Variants in TACC3 observed in about 807,000 individuals in gnomAD.
TACC3 encodes transforming acidic coiled-coil-containing protein 3.
TACC3 carries 52 observed loss-of-function variants against 86.0 expected under a neutral mutation model. The observed-to-expected ratio is 0.60, with a 90% CI of 0.48 to 0.76. The LOEUF (loss-of-function observed/expected upper bound fraction) is 0.76, where lower values mean the gene tolerates loss of function less well. TACC3 is among the 30% of genes least tolerant of loss of function. The pLI, the probability that TACC3 is intolerant of heterozygous loss-of-function variation, is 0.00. For synonymous variants in TACC3, 512 were observed against 430.0 expected (o/e 1.19, Z -2.36); for missense variants, 1,120 against 1,070.4 (o/e 1.05, Z -0.65).
Position 1,723,999 on chromosome 4 carries a change from C to T in TACC3, c.305+129C>T, listed in dbSNP as rs41286675. The stretch of plus-strand genomic sequence containing the variant: ...TGTTTGTTTGTTTGAGATGGAGTCT[C>T]GCTCTGTTGCCCACGCTGGAGTGCA... On this transcript the variant is annotated intron_variant, in intron 3 of 15. Transcript: ENST00000313288. 11 of 1,050,102 alleles carry T rather than the reference C, an allele frequency of 1.0e-5. No individual in the cohort carries two copies. In the Admixed American group the frequency reaches 1.4e-4, roughly 13 times the overall value. 65.0% of individuals were successfully genotyped at this position (1,050,102 alleles called of 1,614,324 possible). A position where few individuals can be genotyped will look rare whatever the true frequency, so the allele number is the denominator to read the frequency against.
Position 1,728,495 on chromosome 4 carries a change from C to T in TACC3, c.1093C>T (p.Pro365Ser). 6.2e-7 allele frequency: 1 copy of T among 1,614,014 alleles called. No individual in the cohort carries two copies. The highest frequency in any genetic ancestry group is 8.5e-7 in the Non-Finnish European group (1 of 1,180,014). ...ACTGGGAGAGAGGTCCGGCCTCAAG[C>T]CTCCCTTGAGGAAAGCAGCAGTGAG... ...RRLGERSGLKPPLRKAAVRQQ... is the reference protein window; with the variant it reads ...RRLGERSGLKSPLRKAAVRQQ... The change falls in exon 4 of 16, where the codon CCT becomes TCT. Residue 365 changes from proline to serine, a missense_variant. Transcript: ENST00000313288.
chr4:1,743,556 A>G (rs1348932198), intron 13 of TACC3, among the ~76,000 whole-genome samples: 3 of 19,494 alleles, frequency 1.5e-4, no homozygotes, highest in African/African-American at 2.3e-4. Flanking sequence ...CCGTCTAAAA[A>G]AAAAAAACAG....
In TACC3 at chr4:1,737,603, A is replaced by T. The variant is rs1718344384; in HGVS notation, c.1842A>T (p.Pro614=). Residue 614 remains proline (P), a synonymous_variant, in exon 10 of 16, where the codon CCA becomes CCT. Coordinates refer to ENST00000313288, the MANE Select transcript of TACC3 (RefSeq NM_006342.3). ...DFLGALDIPV[P]GPPPGVPAPG... ...TTCATCCCCATCTCCCGCAGGTGCC[A>T]GGCCCACCCCCAGGTGTTCCCGCGC... The T allele has an allele frequency of 6.6e-7, 1 of 1,509,910 alleles. No individual in the cohort carries two copies. The highest frequency in any genetic ancestry group is 8.9e-7 in the Non-Finnish European group (1 of 1,124,348). The allele number at this position is 1,509,910 out of a possible 1,614,324, so 93.5% of individuals were successfully genotyped here. A position where few individuals can be genotyped will look rare whatever the true frequency, so the allele number is the denominator to read the frequency against.
intron 6 of TACC3, 137 bp downstream of exon 6, chr4:1,731,438 A>C: frequency 1.0e-6 from 1 of 980,380 alleles, no homozygotes; most frequent in Non-Finnish European, 1.5e-6. Context: ...TGAATGACTC[A>C]TGCACAAACT....
chr4:1,734,492 T>G (rs1718156996), intron 6 of TACC3, among the ~76,000 whole-genome samples: 1 of 152,088 alleles, frequency 6.6e-6, no homozygotes, highest in African/African-American at 2.4e-5. Flanking sequence ...CCAGCCACAG[T>G]TTAAGAGTTT....
At chr4:1,729,317 C>G (rs1717885187) in intron 4 of TACC3, among the ~76,000 whole-genome samples, 1 of 151,988 alleles carries the variant, frequency 6.6e-6, no homozygotes, top group Non-Finnish European at 1.5e-5. Flanking sequence ...TGTGCATAGA[C>G]AAGAGATTGT....
At chr4:1,726,935 T>C (rs62285106) in intron 3 of TACC3, among the ~76,000 whole-genome samples, 32,598 of 152,062 alleles carry the variant, frequency 0.21, 3,770 homozygotes, top group Non-Finnish European at 0.26. Flanking sequence ...GAGACCAGGC[T>C]GACCAACATG....
At chr4:1,720,752 G>A, upstream of TACC3, 1 of 1,583,422 alleles carries the variant, frequency 6.3e-7, no homozygotes, top group Non-Finnish European at 8.6e-7. The surrounding 1 kb of genome is among the most constrained non-coding windows in gnomAD (Gnocchi z 4.4). Flanking sequence ...CGTGAGCCCC[G>A]CCGCGTGGAA....
chr4:1,741,102 G>T, intron 13 of TACC3, 116 bp downstream of exon 13: 2 of 1,008,796 alleles, frequency 2.0e-6, no homozygotes, highest in Non-Finnish European at 2.9e-6. Context: ...GCCTCCCCTT[G>T]CCACGGGGGC....
In TACC3 at chr4:1,728,283, C is replaced by T. The variant is rs1459299796; in HGVS notation, c.881C>T (p.Ala294Val). ...PADGTQTLTC[A>V]HTSAPESTAP... ...GATGGCACTCAGACCCTTACCTGTG[C>T]ACACACCTCTGCTCCTGAGAGCACA... is the stretch of plus-strand genomic sequence containing the variant. The change falls in exon 4 of 16, where the codon GCA (alanine) becomes GTA (valine). Residue 294 changes from alanine to valine, a missense_variant. By Grantham distance (64) the Ala-to-Val change is moderately conservative. Transcript: ENST00000313288. 6.2e-6 allele frequency: 10 copies of T among 1,612,770 alleles called. No homozygotes were observed. The highest frequency in any genetic ancestry group is 2.2e-5 in the East Asian group (1 of 44,878).
chr4:1,727,665 C>T (rs370619950), intron 3 of TACC3, 43 bp from the exon 4 acceptor site: 21 of 1,538,688 alleles, frequency 1.4e-5, no homozygotes, highest in African/African-American at 2.8e-5. Flanking sequence ...CCTAACCTCA[C>T]CAGGTACTCG....
Position 1,723,550 on chromosome 4 carries a change from T to C in TACC3, c.129T>C (p.Asn43=). The change falls in exon 2 of 16, where the codon AAT becomes AAC. Residue 43 remains asparagine (N), a synonymous_variant. Coordinates refer to ENST00000313288, the MANE Select transcript of TACC3 (RefSeq NM_006342.3). ...SSVLRVSQKE[N]VPPKNLAKAM... ...TTCTTCGTGTGTCACAGAAAGAAAA[T>C]GTGCCACCCAAGAACCTGGCCAAAG... The C allele has an allele frequency of 3.1e-6, 5 of 1,613,652 alleles. No individual in the cohort carries two copies. The highest frequency in any genetic ancestry group is 4.2e-6 in the Non-Finnish European group (5 of 1,179,926).
chr4:1,723,467 A>T lies in TACC3; in HGVS notation c.46A>T (p.Asn16Tyr). ...LNDKNVSNEK[N>Y]TENCDFLFSP... ...CGACAAAAATGTCAGCAATGAAAAA[A>T]ATACAGAAAATTGCGACTTCCTGTT... Residue 16 changes from asparagine (N) to tyrosine (Y), a missense_variant, in exon 2 of 16, where the codon AAT becomes TAT. Transcript: ENST00000313288. 1 of 1,613,650 alleles carries T rather than the reference A, an allele frequency of 6.2e-7. No homozygotes were observed. The highest frequency in any genetic ancestry group is 8.5e-7 in the Non-Finnish European group (1 of 1,179,982).
intron 15 of TACC3, 50 bp downstream of exon 15, chr4:1,744,882 A>G: frequency 6.2e-7 from 1 of 1,612,388 alleles, no homozygotes; most frequent in Non-Finnish European, 8.5e-7. Context: ...CACCTTCTAG[A>G]AGGCCCTTGG....
intron 1 of TACC3, among the ~76,000 whole-genome samples, chr4:1,722,520 A>G (rs944456663): frequency 2.6e-5 from 4 of 152,006 alleles, no homozygotes; most frequent in African/African-American, 4.8e-5. Flanking sequence ...ACAGCACCAC[A>G]GTGGGCTTCT....
At position 1,723,565 on chromosome 4, in the gene TACC3, C is replaced by A; in HGVS notation, c.144C>A (p.Asn48Lys). 1 of 1,613,434 alleles carries A rather than the reference C, an allele frequency of 6.2e-7. No individual in the cohort carries two copies. The highest frequency in any genetic ancestry group is 1.1e-5 in the South Asian group (1 of 91,076). ...AGAAAGAAAATGTGCCACCCAAGAA[C>A]CTGGCCAAAGCTATGAAGGTAAGTG... ...VSQKENVPPKNLAKAMKVTFQ... is the reference protein window; with the variant it reads ...VSQKENVPPKKLAKAMKVTFQ... The change falls in exon 2 of 16, where the codon AAC (asparagine) becomes AAA (lysine). Residue 48 changes from asparagine (N) to lysine (K), a missense_variant. Coordinates refer to ENST00000313288, the MANE Select transcript of TACC3 (RefSeq NM_006342.3).
chr4:1,727,266 C>A (rs1717733649), intron 3 of TACC3, among the ~76,000 whole-genome samples: 1 of 152,196 alleles, frequency 6.6e-6, no homozygotes, highest in Non-Finnish European at 1.5e-5. Context: ...ACATCTGACC[C>A]CCCAGGCAGC....
At chr4:1,739,559 T>A (rs924045791) in intron 10 of TACC3, 143 bp from the exon 11 acceptor site, 6 of 739,128 alleles carry the variant, frequency 8.1e-6, no homozygotes, top group Middle Eastern at 3.9e-4. Context: ...GTTCCCAGGG[T>A]CCCACTGGAA....
At chr4:1,723,611 TG>T in intron 2 of TACC3, 28 bp downstream of exon 2, 3 of 1,609,436 alleles carry the variant, frequency 1.9e-6, no homozygotes, top group Non-Finnish European at 2.5e-6. Context: ...AGTGTGTGGC[TG>T]GCCAGGTTGC....
Sources: gnomAD v4.1 joint callset for allele counts (sites outside exome capture counted in the v4.1 genomes callset) on GRCh38, gnomAD v4.1.1 for gene constraint, Gnocchi (gnomAD v3.1) non-coding constraint, MANE v1.5 for transcripts, NCBI Gene and HGNC (gene_info 2026-07-23, HGNC 2026-07-21) for gene names.